Variants in AFF3 observed in about 807,000 individuals in gnomAD.
The protein encoded by AFF3 is AF4/FMR2 family member 3.
A neutral mutation model predicts 129.7 loss-of-function variants in AFF3; 32 were observed. The ratio of observed to expected loss-of-function variants is 0.25; its 90% CI spans 0.19 to 0.33. The LOEUF is 0.33. AFF3 is among the 10% of genes least tolerant of loss of function. The pLI is 1.00. For missense variants in AFF3, 1,373 were observed against 1,592.0 expected (o/e 0.86, Z 2.34); for synonymous variants, 644 against 635.4 (o/e 1.01, Z -0.20).
chr2:99,578,955 T>A (rs1241275930), intron 17 of AFF3, among the ~76,000 whole-genome samples: 1 of 152,216 alleles, frequency 6.6e-6, no homozygotes, highest in African/African-American at 2.4e-5. Flanking sequence ...TTCCCGGTGA[T>A]GCGGATGCTG....
chr2:99,801,227 T>G (rs1343793343), intron 8 of AFF3, among the ~76,000 whole-genome samples: 1 of 152,242 alleles, frequency 6.6e-6, no homozygotes, highest in Admixed American at 6.5e-5. Context: ...TAATACTTTC[T>G]GTAAGCTCCC....
At chr2:99,914,424 G>C (rs1376617253) in intron 7 of AFF3, among the ~76,000 whole-genome samples, 2 of 152,184 alleles carry the variant, frequency 1.3e-5, no homozygotes, top group African/African-American at 4.8e-5. Context: ...GAACTAAATG[G>C]AAAATGCATG....
intron 8 of AFF3, among the ~76,000 whole-genome samples, chr2:99,762,286 G>T (rs1256306791): frequency 6.6e-6 from 1 of 152,056 alleles, no homozygotes; most frequent in African/African-American, 2.4e-5. Context: ...ACCATGCCCA[G>T]CTAATTTTTG....
chr2:100,127,471 G>A (rs2105576729), intron 2 of AFF3, among the ~76,000 whole-genome samples: 1 of 152,300 alleles, frequency 6.6e-6, no homozygotes, highest in Middle Eastern at 3.4e-3. Flanking sequence ...AGCCTGGGGT[G>A]GGGAAATGGG....
At chr2:99,709,861 A>T (rs918263451) in intron 11 of AFF3, among the ~76,000 whole-genome samples, 1 of 152,236 alleles carries the variant, frequency 6.6e-6, no homozygotes, top group Non-Finnish European at 1.5e-5. Flanking sequence ...GCAGATTTTC[A>T]AATGAAATAG....
chr2:99,607,231 C>T (rs1046853163), intron 13 of AFF3, among the ~76,000 whole-genome samples: 1 of 151,864 alleles, frequency 6.6e-6, no homozygotes, highest in Non-Finnish European at 1.5e-5. Flanking sequence ...GAATGCAGAT[C>T]ATAAAAGAAA....
chr2:100,100,527 T>G (rs1357405382), intron 4 of AFF3, among the ~76,000 whole-genome samples: 2 of 152,202 alleles, frequency 1.3e-5, no homozygotes, highest in Non-Finnish European at 2.9e-5. Context: ...TTAACTCAAT[T>G]TTTCCTCTTT....
chr2:100,016,707 G>A (rs1683133203), intron 4 of AFF3, among the ~76,000 whole-genome samples: 1 of 150,402 alleles, frequency 6.6e-6, no homozygotes, highest in Non-Finnish European at 1.5e-5. Context: ...GGCGGTAGTG[G>A]CGGTGATGGT....
In AFF3 at chr2:99,593,857, A is replaced by T; in HGVS notation, c.1804T>A (p.Cys602Ser). ...GCCGCGGGCTCCTCGGGCCGGTGGC[A>T]GTTGGCGCCGTCCCCGGCTGAGGTC... ...ERTSAGDGAN[C>S]HRPEEPAAAD... The change falls in exon 15 of 25, where the codon TGC becomes AGC. Residue 602 changes from cysteine to serine, a missense_variant. By Grantham distance (112) the Cys-to-Ser change is moderately radical. Around this residue, in one of 9 missense-constraint regions of AFF3, gnomAD observed 466 missense variants for 505.0 expected, o/e 0.92. Coordinates refer to ENST00000672756, the MANE Select transcript of AFF3 (RefSeq NM_001386135.1). 1 of 1,581,962 alleles carries T rather than the reference A, an allele frequency of 6.3e-7. No individual in the cohort carries two copies.
chr2:100,025,854 G>T (rs1337182843), intron 4 of AFF3, among the ~76,000 whole-genome samples: 1 of 152,240 alleles, frequency 6.6e-6, no homozygotes, highest in Non-Finnish European at 1.5e-5. Context: ...AGATGTAGGA[G>T]AATGAAACTG....
Position 99,711,610 on chromosome 2 carries a change from A to C in AFF3, c.1091+15467T>G, listed in dbSNP as rs1677898151. 2.6e-5 allele frequency among the ~76,000 whole-genome samples: 4 copies of C among 152,326 alleles called. 1 individual carries two copies. The South Asian group carries it at 8.3e-4, about 32-fold the overall frequency. On this transcript the variant is annotated intron_variant, in intron 11 of 24. Transcript: ENST00000672756. ...AGGTTTTACATCTCAACTAGAATCC[A>C]AGGAAGAGGGAGAACAAATCCAGCT...
intron 13 of AFF3, among the ~76,000 whole-genome samples, chr2:99,646,472 A>ATT: frequency 6.6e-6 from 1 of 152,326 alleles, no homozygotes; most frequent in South Asian, 2.1e-4. Flanking sequence ...AATCATTATG[A>ATT]AATTTTATAT....
intron 8 of AFF3, among the ~76,000 whole-genome samples, chr2:99,766,322 TCTA>T (rs1168943725): frequency 1.3e-5 from 2 of 152,240 alleles, no homozygotes; most frequent in African/African-American, 4.8e-5. Flanking sequence ...TGAGCAGGCT[TCTA>T]CTAACTTTAT....
intron 7 of AFF3, among the ~76,000 whole-genome samples, chr2:100,004,374 A>G (rs1681746357): frequency 6.6e-6 from 1 of 152,238 alleles, no homozygotes; most frequent in Non-Finnish European, 1.5e-5. Context: ...TTCAAAAAAT[A>G]AAAATATTTA....
At chr2:99,980,760 T>A (rs1437433550) in intron 7 of AFF3, among the ~76,000 whole-genome samples, 1 of 152,228 alleles carries the variant, frequency 6.6e-6, no homozygotes, top group Non-Finnish European at 1.5e-5. Flanking sequence ...AAGGCACCTT[T>A]AAGTCACAGA....
chr2:99,920,422 A>C (rs979882165), intron 7 of AFF3, among the ~76,000 whole-genome samples: 7 of 152,098 alleles, frequency 4.6e-5, no homozygotes, highest in African/African-American at 1.7e-4. Flanking sequence ...ATTAAGTAGG[A>C]AAACTCATGA....
chr2:99,784,313 A>T (rs573752647), intron 8 of AFF3, among the ~76,000 whole-genome samples: 1 of 152,328 alleles, frequency 6.6e-6, no homozygotes, highest in East Asian at 1.9e-4. Context: ...GTCTGGAGGC[A>T]TTCTTTGGGT....
At chr2:100,127,898 T>G (rs1692264251) in intron 2 of AFF3, among the ~76,000 whole-genome samples, 2 of 152,150 alleles carry the variant, frequency 1.3e-5, no homozygotes, top group Non-Finnish European at 2.9e-5. Context: ...GGCATTCTAA[T>G]TCACAGGATG....
At chr2:100,030,687 G>A (rs1232506315) in intron 4 of AFF3, among the ~76,000 whole-genome samples, 2 of 151,830 alleles carry the variant, frequency 1.3e-5, no homozygotes, top group Admixed American at 1.3e-4. Context: ...AAGAAATGAG[G>A]TATCAAGTCA....
Sources: gnomAD v4.1 joint callset for allele counts (sites outside exome capture counted in the v4.1 genomes callset) on GRCh38, gnomAD v4.1.1 for gene constraint, gnomAD v4.1.1 regional missense constraint, MANE v1.5 for transcripts, NCBI Gene and HGNC (gene_info 2026-07-23, HGNC 2026-07-21) for gene names.